Variants in RPTOR observed in about 807,000 individuals in gnomAD.
The protein encoded by RPTOR is regulatory associated protein of MTOR complex 1.
In RPTOR, 21 loss-of-function variants were observed where a neutral mutation model predicts 169.9. The observed-to-expected ratio is 0.12, with a 90% confidence interval of 0.09 to 0.18. The LOEUF (loss-of-function observed/expected upper bound fraction) is 0.18, where lower values mean the gene tolerates loss of function less well. Ranked by LOEUF, RPTOR falls within the 10% of genes least tolerant of loss-of-function variation. RPTOR has a pLI of 1.00. For missense variants in RPTOR, 1,133 were observed against 1,855.9 expected, an observed-to-expected ratio of 0.61 and a Z score of 7.16; for synonymous variants, 732 against 753.2, an observed-to-expected ratio of 0.97 and a Z score of 0.46.
At chr17:80,589,980 G>A (rs1036393707) in intron 1 of RPTOR, among the ~76,000 whole-genome samples, 1 of 152,202 alleles carries the variant, frequency 6.6e-6, no homozygotes, top group African/African-American at 2.4e-5. Flanking sequence ...TCCCAAAGGG[G>A]AACACATTTA....
At chr17:80,883,538 A>G in intron 15 of RPTOR, 54 bp downstream of exon 15, 1 of 1,566,456 alleles carries the variant, frequency 6.4e-7, no homozygotes, top group Non-Finnish European at 8.8e-7. Flanking sequence ...ATTGCAGAGG[A>G]GCTGGGCCCA....
At chr17:80,855,965 G>A (rs1003477623) in intron 12 of RPTOR, among the ~76,000 whole-genome samples, 17 of 152,190 alleles carry the variant, frequency 1.1e-4, no homozygotes, top group Admixed American at 7.2e-4. Context: ...ATCATGGCAG[G>A]CACAATTCGG....
chr17:80,628,471 T>TTG (rs1333027985), intron 2 of RPTOR, among the ~76,000 whole-genome samples: 1 of 152,232 alleles, frequency 6.6e-6, no homozygotes, highest in East Asian at 1.9e-4. Context: ...CAGTCACCTG[T>TTG]TGTGTTCTGG....
rs1179660358 is a variant in RPTOR at position 80,962,665 on chromosome 17, G to C, written c.3809+88G>C. The C allele has an allele frequency of 6.4e-6, 8 of 1,256,904 alleles. No individual in the cohort carries two copies. The East Asian group carries it at 1.9e-4, about 29-fold the overall frequency. 77.9% of individuals were successfully genotyped at this position (1,256,904 alleles called of 1,614,324 possible). ...GAGGCTCTTGTGTTCCTGCCCCCAG[G>C]AGCTGAAGGAGGGCAGGGGAGGATT... On this transcript the variant is annotated intron_variant, in intron 32 of 33. Coordinates refer to ENST00000306801, the MANE Select transcript of RPTOR (RefSeq NM_020761.3).
intron 7 of RPTOR, among the ~76,000 whole-genome samples, chr17:80,813,916 C>T (rs2067298152): frequency 1.3e-5 from 2 of 152,126 alleles, no homozygotes; most frequent in African/African-American, 4.8e-5. Flanking sequence ...GGTGGATCAC[C>T]CGAGCTCAGG....
intron 23 of RPTOR, 111 bp from the exon 24 acceptor site, chr17:80,925,259 C>A: frequency 1.2e-6 from 1 of 841,010 alleles, no homozygotes; most frequent in Non-Finnish European, 1.9e-6. Flanking sequence ...AGGGGCAGCC[C>A]GGTGCTCCCG....
At chr17:80,776,701 C>G (rs563876801) in intron 6 of RPTOR, among the ~76,000 whole-genome samples, 101 of 152,306 alleles carry the variant, frequency 6.6e-4, no homozygotes, top group African/African-American at 2.4e-3. Context: ...TCATTTTCAA[C>G]ACAACATTAT....
chr17:80,637,107 G>A (rs112341768), intron 2 of RPTOR, among the ~76,000 whole-genome samples: 3 of 152,288 alleles, frequency 2.0e-5, no homozygotes, highest in East Asian at 1.9e-4. Context: ...GGGGTGGAGC[G>A]GAAGGTGGTC....
rs575082801 is a variant in RPTOR at position 80,795,140 on chromosome 17, C to T, written c.890+3631C>T. Among the ~76,000 whole-genome samples, 16 of 152,340 alleles carry T rather than the reference C, an allele frequency of 1.1e-4. No homozygotes were observed. In the South Asian group the frequency reaches 3.1e-3, roughly 30 times the overall value. On this transcript the variant is annotated intron_variant, in intron 7 of 33. Transcript: ENST00000306801. ...GCAGATGCAGCACACGGCTGGCCAC[C>T]GCTGCGGACAACAGGCCATGGGCCT...
chr17:80,638,202 G>A (rs764296162), intron 2 of RPTOR, among the ~76,000 whole-genome samples: 3 of 152,188 alleles, frequency 2.0e-5, no homozygotes, highest in Non-Finnish European at 2.9e-5. Context: ...GCAAAGAGCT[G>A]AAGGAAGAGC....
intron 7 of RPTOR, among the ~76,000 whole-genome samples, chr17:80,800,090 G>T (rs1346378994): frequency 1.3e-5 from 2 of 152,224 alleles, no homozygotes; most frequent in African/African-American, 4.8e-5. Context: ...GCTGTCTGGG[G>T]TTTGGGGGCT....
intron 9 of RPTOR, among the ~76,000 whole-genome samples, chr17:80,825,928 G>A (rs976989244): frequency 4.6e-5 from 7 of 152,188 alleles, no homozygotes; most frequent in East Asian, 3.9e-4. Context: ...AGACGGAGAC[G>A]GAGGCTGGTG....
chr17:80,890,910 CAG>C (rs912350698), intron 17 of RPTOR, among the ~76,000 whole-genome samples: 5 of 151,992 alleles, frequency 3.3e-5, no homozygotes, highest in South Asian at 4.1e-4. Flanking sequence ...GCTGTGGAGA[CAG>C]GGGCGTCACG....
At chr17:80,775,645 C>T (rs2066885578) in intron 6 of RPTOR, among the ~76,000 whole-genome samples, 1 of 152,162 alleles carries the variant, frequency 6.6e-6, no homozygotes, top group African/African-American at 2.4e-5. Context: ...AACAGACAGC[C>T]CCCACGTTTG....
Position 80,964,423 on chromosome 17 carries a change from C to G in RPTOR, c.*93C>G, listed in dbSNP as rs769757647. On this transcript the variant is annotated 3_prime_UTR_variant, in exon 34 of 34. Coordinates refer to ENST00000306801, the MANE Select transcript of RPTOR (RefSeq NM_020761.3). ...CACGGGGCGTCGGCTGCTGCGGCCC[C>G]GCAGTGTGAACGTTGGCTGCTGCCT... The G allele has an allele frequency of 4.6e-6, 6 of 1,297,382 alleles. No homozygotes were observed. Among genetic ancestry groups the G allele is most frequent in the Admixed American group, 1.7e-5 (1 of 58,218 alleles). The allele number at this position is 1,297,382 out of a possible 1,614,324, so 80.4% of individuals were successfully genotyped here. A position where few individuals can be genotyped will look rare whatever the true frequency, so the allele number is the denominator to read the frequency against.
chr17:80,634,240 C>CATACCGTGTGT (rs2065467778), intron 2 of RPTOR, among the ~76,000 whole-genome samples: 1 of 108,168 alleles, frequency 9.2e-6, no homozygotes, highest in African/African-American at 3.8e-5. Flanking sequence ...ACTGTGTGTG[C>CATACCGTGTGT]GTGCATACTG....
rs12936701 is a variant in RPTOR, at chr17:80,936,951, C to A, written c.2920-3545C>A. Among the ~76,000 whole-genome samples the A allele has an allele frequency of 0.92, 139,730 of 152,180 alleles. 64,330 individuals carry two copies. The highest frequency in any genetic ancestry group is 0.96 in the African/African-American group (39,922 of 41,526). On this transcript the variant is annotated intron_variant, in intron 24 of 33. Transcript: ENST00000306801. The surrounding 1 kb of genome is among the most constrained non-coding windows in gnomAD (Gnocchi z 4.1). The stretch of plus-strand genomic sequence containing the variant: ...ACGAGACACTGGCAGAATCAAATCA[C>A]CTCTGTTGCCTGTGGACTCACGACG...
At chr17:80,679,706 T>G (rs35646299) in intron 3 of RPTOR, among the ~76,000 whole-genome samples, 26,909 of 152,128 alleles carry the variant, frequency 0.18, 3,812 homozygotes, top group African/African-American at 0.39. Flanking sequence ...CTGTAAGGAG[T>G]TGAAGTGTCT....
intron 1 of RPTOR, among the ~76,000 whole-genome samples, chr17:80,589,049 G>A (rs2065084335): frequency 6.6e-6 from 1 of 152,260 alleles, no homozygotes; most frequent in Non-Finnish European, 1.5e-5. Context: ...GGTCCCTAAC[G>A]AGGGTGACTG....
Sources: allele counts gnomAD v4.1 joint callset (sites outside exome capture counted in the v4.1 genomes callset), GRCh38; gene constraint gnomAD v4.1.1; non-coding constraint Gnocchi (gnomAD v3.1); transcripts MANE v1.5; gene names NCBI Gene and HGNC (gene_info 2026-07-23, HGNC 2026-07-21).